Variants in NPR3 observed in about 807,000 individuals in gnomAD.
NPR3 encodes natriuretic peptide receptor 3.
NPR3 carries 34 observed loss-of-function variants against 54.5 expected under a neutral mutation model. The ratio of observed to expected loss-of-function variants is 0.62; its 90% CI spans 0.47 to 0.83. The LOEUF (loss-of-function observed/expected upper bound fraction) is 0.83. NPR3 is among the 40% of genes least tolerant of loss of function. The probability of loss-of-function intolerance (pLI) is 0.00; values close to 1 mark genes in which losing one functional copy is unlikely to be tolerated. For missense variants in NPR3, 674 were observed against 720.8 expected, an observed-to-expected ratio of 0.94 and a Z score of 0.74; for synonymous variants, 289 against 297.1, an observed-to-expected ratio of 0.97 and a Z score of 0.28.
chr5:32,777,103 C>T (rs1054358376), intron 4 of NPR3, among the ~76,000 whole-genome samples: 11 of 152,120 alleles, frequency 7.2e-5, no homozygotes, highest in Non-Finnish European at 1.2e-4. Flanking sequence ...TGCCAAAGCC[C>T]GAGAGGTAAT....
At chr5:32,716,166 A>G (rs868026775) in intron 1 of NPR3, among the ~76,000 whole-genome samples, 1 of 152,168 alleles carries the variant, frequency 6.6e-6, no homozygotes, top group Non-Finnish European at 1.5e-5. Context: ...GGAGTGTAGA[A>G]ACAGCCAGAG....
chr5:32,702,517 T>C (rs1291469972), intron 1 of NPR3, among the ~76,000 whole-genome samples: 1 of 151,336 alleles, frequency 6.6e-6, no homozygotes, highest in Non-Finnish European at 1.5e-5. Context: ...GTGTTTGGTT[T>C]TTTTTGTCCT....
At chr5:32,693,442 A>C (rs1367470925) in intron 1 of NPR3, among the ~76,000 whole-genome samples, 1 of 151,968 alleles carries the variant, frequency 6.6e-6, no homozygotes, top group East Asian at 1.9e-4. Context: ...TGAAGAAAAA[A>C]CTCCCTTACG....
At chr5:32,750,219 C>G (rs1740505174) in intron 3 of NPR3, among the ~76,000 whole-genome samples, 1 of 152,196 alleles carries the variant, frequency 6.6e-6, no homozygotes, top group African/African-American at 2.4e-5. Flanking sequence ...ACCTCCGCTT[C>G]CCAGGGTCAA....
intron 1 of NPR3, among the ~76,000 whole-genome samples, chr5:32,715,459 A>G (rs1254862691): frequency 1.3e-5 from 2 of 152,196 alleles, no homozygotes; most frequent in African/African-American, 4.8e-5. Context: ...TTCACATGGC[A>G]TACTGTAGAA....
intron 3 of NPR3, among the ~76,000 whole-genome samples, chr5:32,760,266 G>T (rs186127731): frequency 6.6e-5 from 10 of 152,208 alleles, no homozygotes; most frequent in Admixed American, 4.6e-4. Context: ...ATAGATGCAA[G>T]TTTAACTTTA....
intron 1 of NPR3, among the ~76,000 whole-genome samples, chr5:32,699,460 T>C (rs1332400447): frequency 1.3e-5 from 2 of 152,150 alleles, no homozygotes; most frequent in African/African-American, 4.8e-5. Context: ...TTCCCTCCAC[T>C]CATCCCCTAA....
intron 2 of NPR3, among the ~76,000 whole-genome samples, chr5:32,732,086 AGAAAATTAGCCGGGCACGGT>A (rs1739484802): frequency 6.6e-6 from 1 of 151,746 alleles, no homozygotes; most frequent in South Asian, 2.1e-4. Flanking sequence ...CTAAAAATAC[AGAAAATTAGCCGGGCACGGT>A]GGCGGGCGCC....
At chr5:32,739,179 GTGTGT>G in intron 3 of NPR3, 149 bp downstream of exon 3, 3 of 638,972 alleles carry the variant, frequency 4.7e-6, no homozygotes, top group Admixed American at 3.6e-5. Context: ...GTGTGTGTGT[GTGTGT>G]TTTTTTTTTT....
chr5:32,783,004 A>G lies in NPR3; in HGVS notation c.1402A>G (p.Thr468Ala). The G allele has an allele frequency of 1.2e-6, 2 of 1,603,896 alleles. No individual in the cohort carries two copies. The highest frequency in any genetic ancestry group is 2.7e-5 in the African/African-American group (2 of 74,954). ...AGATGAAAACCGAATTGTAGAGCATACAAACAGCTCTCCCTGCAAATCATG... is the reference window on the plus strand; with the variant it reads ...AGATGAAAACCGAATTGTAGAGCATGCAAACAGCTCTCCCTGCAAATCATG... ...RIDENRIVEH[T>A]NSSPCKSSGG... Residue 468 changes from threonine (T) to alanine (A), a missense_variant, in exon 6 of 8, where the codon ACA becomes GCA. Transcript: ENST00000265074.
intron 3 of NPR3, among the ~76,000 whole-genome samples, chr5:32,746,662 T>C (rs958162622): frequency 6.6e-6 from 1 of 152,272 alleles, no homozygotes; most frequent in Non-Finnish European, 1.5e-5. Context: ...CCAGTGTTTT[T>C]GCATTATGCT....
At chr5:32,710,858 G>GTTTTTTTTTTTTTT (rs1561072778), upstream of NPR3, 312 of 1,047,730 alleles carry the variant, frequency 3.0e-4, 2 homozygotes, top group African/African-American at 8.3e-3. Context: ...CCCCAGTCCT[G>GTTTTTTTTTTTTTT]GTTTTTTTTT....
chr5:32,755,017 C>T (rs1031875655), intron 3 of NPR3, among the ~76,000 whole-genome samples: 2 of 152,164 alleles, frequency 1.3e-5, no homozygotes, highest in East Asian at 1.9e-4. Flanking sequence ...CCCGCCACCA[C>T]GCCCCGCTAA....
Position 32,712,428 on chromosome 5 carries a change from G to A in NPR3, c.652G>A (p.Glu218Lys), listed in dbSNP as rs1416416152. The A allele has an allele frequency of 6.2e-7, 1 of 1,612,882 alleles. No homozygotes were observed. ...KLERNCYFTL[E>K]GVHEVFQEEG... Reference sequence around the variant, plus strand: ...GGAGCGGAACTGCTACTTCACCCTCGAGGGGGTCCACGAGGTCTTCCAGGA... The same window carrying A: ...GGAGCGGAACTGCTACTTCACCCTCAAGGGGGTCCACGAGGTCTTCCAGGA... Residue 218 changes from glutamate to lysine, a missense_variant, in exon 1 of 8, where the codon GAG (glutamate) becomes AAG (lysine). Transcript: ENST00000265074.
At chr5:32,761,358 A>G (rs1163980108) in intron 3 of NPR3, among the ~76,000 whole-genome samples, 1 of 152,118 alleles carries the variant, frequency 6.6e-6, no homozygotes, top group African/African-American at 2.4e-5. Flanking sequence ...TATCTCAGCA[A>G]TGTTTATAGT....
At chr5:32,703,591 T>C (rs1453244750) in intron 1 of NPR3, among the ~76,000 whole-genome samples, 1 of 152,090 alleles carries the variant, frequency 6.6e-6, no homozygotes, top group African/African-American at 2.4e-5. Context: ...CAGGACTGGG[T>C]CCTTCCCTTC....
intron 1 of NPR3, among the ~76,000 whole-genome samples, chr5:32,694,742 C>A (rs975558107): frequency 6.6e-6 from 1 of 152,112 alleles, no homozygotes; most frequent in African/African-American, 2.4e-5. Context: ...AAATGTACAA[C>A]AAATTATTGT....
intron 2 of NPR3, among the ~76,000 whole-genome samples, chr5:32,728,835 GTGTATATATATATATA>G (rs1201360459): frequency 2.5e-4 from 15 of 60,624 alleles, no homozygotes; most frequent in Admixed American, 1.6e-3. Context: ...GTGTGTGTGT[GTGTATATATATATATA>G]TATATATATA....
At chr5:32,720,772 G>C (rs1402163005) in intron 1 of NPR3, among the ~76,000 whole-genome samples, 1 of 152,126 alleles carries the variant, frequency 6.6e-6, no homozygotes, top group East Asian at 1.9e-4. Flanking sequence ...GATGTCCTCT[G>C]TTCTCTATAA....
Sources: allele counts gnomAD v4.1 joint callset (sites outside exome capture counted in the v4.1 genomes callset), GRCh38; gene constraint gnomAD v4.1.1; transcripts MANE v1.5; gene names NCBI Gene and HGNC (gene_info 2026-07-23, HGNC 2026-07-21).